TNFRSF10A: variants seen among roughly 807,000 people sequenced by gnomAD.
TNFRSF10A encodes TNF receptor superfamily member 10a, also known as tumor necrosis factor receptor superfamily member 10A.
A neutral mutation model predicts 42.8 loss-of-function variants in TNFRSF10A; 44 were observed. That is an observed-to-expected ratio of 1.03 (90% CI 0.81 to 1.32). The LOEUF (loss-of-function observed/expected upper bound fraction) is 1.32, where lower values mean the gene tolerates loss of function less well. TNFRSF10A is among the 40% of genes most tolerant of loss of function. The probability of loss-of-function intolerance (pLI) is 0.00; values close to 1 mark genes in which losing one functional copy is unlikely to be tolerated. For synonymous variants in TNFRSF10A, 259 were observed against 234.2 expected, an observed-to-expected ratio of 1.11 and a Z score of -0.97; for missense variants, 680 against 602.0, an observed-to-expected ratio of 1.13 and a Z score of -1.36.
chr8:23,212,932 G>A lies in TNFRSF10A; in HGVS notation c.307-720C>T, dbSNP rs567250918. ...CGGGGCCCACACGAAGAGTTAGAAA[G>A]TGTTCCCTCCAACTCAGTTTCTTGG... is the stretch of plus-strand genomic sequence containing the variant. On this transcript the variant is annotated intron_variant, in intron 1 of 9. Transcript: ENST00000221132. 3.9e-5 allele frequency among the ~76,000 whole-genome samples: 6 copies of A among 152,336 alleles called. No homozygotes were observed. The South Asian group carries it at 1.0e-3, about 26-fold the overall frequency.
At chr8:23,200,883 T>C in intron 4 of TNFRSF10A, 123 bp from the exon 5 acceptor site, 1 of 921,502 alleles carries the variant, frequency 1.1e-6, no homozygotes, top group South Asian at 1.4e-5. Context: ...GATAGTCTCC[T>C]CGTATCTGCA....
intron 2 of TNFRSF10A, among the ~76,000 whole-genome samples, chr8:23,204,892 G>A (rs1458891083): frequency 6.6e-6 from 1 of 152,054 alleles, no homozygotes; most frequent in Non-Finnish European, 1.5e-5. Flanking sequence ...ATGGGATACA[G>A]CTAACGTAGC....
intron 6 of TNFRSF10A, 52 bp downstream of exon 6, chr8:23,200,450 CAGA>C (rs1258653769): frequency 1.3e-6 from 2 of 1,596,262 alleles, no homozygotes; most frequent in Non-Finnish European, 1.7e-6. Flanking sequence ...TCTGTGGGAA[CAGA>C]AGAAGGCAGG....
intron 2 of TNFRSF10A, among the ~76,000 whole-genome samples, chr8:23,206,349 T>C (rs1038371141): frequency 1.3e-5 from 2 of 152,234 alleles, no homozygotes; most frequent in African/African-American, 4.8e-5. Flanking sequence ...CACCACTCAC[T>C]GACTCACCCA....
chr8:23,200,398 G>A (rs146502286), intron 6 of TNFRSF10A, 107 bp downstream of exon 6: 22 of 1,264,856 alleles, frequency 1.7e-5, no homozygotes, highest in Middle Eastern at 2.1e-4. Flanking sequence ...GATAGAGCCC[G>A]GCCAGAGACA....
intron 2 of TNFRSF10A, among the ~76,000 whole-genome samples, chr8:23,206,316 T>C (rs1345018097): frequency 6.6e-6 from 1 of 152,246 alleles, no homozygotes; most frequent in African/African-American, 2.4e-5. Context: ...TGTACAGGAA[T>C]GTCCCAGGCC....
chr8:23,209,462 G>A (rs540657369), intron 2 of TNFRSF10A, among the ~76,000 whole-genome samples: 1 of 152,290 alleles, frequency 6.6e-6, no homozygotes, highest in East Asian at 1.9e-4. Context: ...ACTCAACACC[G>A]GCACGTGAAA....
chr8:23,193,419 T>G (rs987787651), intron 9 of TNFRSF10A, among the ~76,000 whole-genome samples: 18 of 152,192 alleles, frequency 1.2e-4, no homozygotes, highest in Admixed American at 9.2e-4. Flanking sequence ...TCCAGACAGG[T>G]GATTGTCCTT....
intron 2 of TNFRSF10A, chr8:23,206,858 C>A (rs1801020987): frequency 9.2e-6 from 2 of 216,232 alleles, no homozygotes; most frequent in African/African-American, 2.3e-5. Context: ...AGACATATAG[C>A]AAGTAAAGAT....
chr8:23,206,963 G>T, intron 2 of TNFRSF10A: 1 of 330,508 alleles, frequency 3.0e-6, no homozygotes, highest in Non-Finnish European at 5.9e-6. Flanking sequence ...TCCTAAAGCT[G>T]AAGCGATGCA....
At chr8:23,205,017 A>C (rs1432134842) in intron 2 of TNFRSF10A, among the ~76,000 whole-genome samples, 1 of 152,102 alleles carries the variant, frequency 6.6e-6, no homozygotes, top group Non-Finnish European at 1.5e-5. Flanking sequence ...AAGACACTCG[A>C]AAAAGAAGAG....
At chr8:23,194,556 ATGT>A (rs1471949439) in intron 9 of TNFRSF10A, among the ~76,000 whole-genome samples, 2 of 152,212 alleles carry the variant, frequency 1.3e-5, no homozygotes, top group Non-Finnish European at 2.9e-5. Flanking sequence ...GATTAAATTA[ATGT>A]TGTTGGTTTA....
At chr8:23,214,295 G>A (rs1801143804) in intron 1 of TNFRSF10A, among the ~76,000 whole-genome samples, 1 of 152,054 alleles carries the variant, frequency 6.6e-6, no homozygotes, top group Non-Finnish European at 1.5e-5. Context: ...AGACCATCCT[G>A]GCTAACACGG....
intron 2 of TNFRSF10A, chr8:23,207,263 C>G: frequency 1.7e-6 from 1 of 593,758 alleles, no homozygotes; most frequent in East Asian, 4.2e-5. Flanking sequence ...TTTATGTGGC[C>G]AAGGTTCAAC....
intron 1 of TNFRSF10A, 29 bp downstream of exon 1, chr8:23,224,726 TC>T: frequency 6.5e-7 from 1 of 1,546,126 alleles, no homozygotes; most frequent in East Asian, 2.4e-5. Flanking sequence ...GGCGCGCTTT[TC>T]CCCAGGCAGG....
chr8:23,213,085 G>A (rs776804887), intron 1 of TNFRSF10A, among the ~76,000 whole-genome samples: 62 of 152,148 alleles, frequency 4.1e-4, no homozygotes, highest in Non-Finnish European at 5.7e-4. Context: ...CTATAGTTCT[G>A]TTCAAAATCT....
At chr8:23,200,818 A>T in intron 4 of TNFRSF10A, 58 bp from the exon 5 acceptor site, 1 of 1,501,954 alleles carries the variant, frequency 6.7e-7, no homozygotes, top group Non-Finnish European at 9.3e-7. Flanking sequence ...GCCAGGTGGG[A>T]TGAAAGAGGA....
In TNFRSF10A at chr8:23,225,090, G is replaced by A. The variant is rs1482273866; in HGVS notation, c.-29C>T. The A allele has an allele frequency of 6.8e-7, 1 of 1,480,918 alleles. No homozygotes were observed. The highest frequency in any genetic ancestry group is 8.9e-7 in the Non-Finnish European group (1 of 1,117,852). The allele number at this position is 1,480,918 out of a possible 1,614,324, so 91.7% of individuals were successfully genotyped here. On this transcript the variant is annotated 5_prime_UTR_variant, in exon 1 of 10. Coordinates refer to ENST00000221132, the MANE Select transcript of TNFRSF10A (RefSeq NM_003844.4). The stretch of plus-strand genomic sequence containing the variant: ...GCCAGGTCAATCCAAGAAGCAGCGT[G>A]CTTGGCTATGACAAGACAGAACTTC...
chr8:23,194,467 T>C (rs1448276790), intron 9 of TNFRSF10A, among the ~76,000 whole-genome samples: 2 of 152,240 alleles, frequency 1.3e-5, no homozygotes, highest in Non-Finnish European at 2.9e-5. Context: ...TATTTTGAGA[T>C]ATCAGTTTGG....
Sources: gnomAD v4.1 joint callset for allele counts (sites outside exome capture counted in the v4.1 genomes callset) on GRCh38, gnomAD v4.1.1 for gene constraint, MANE v1.5 for transcripts, NCBI Gene and HGNC (gene_info 2026-07-23, HGNC 2026-07-21) for gene names.